Variants in ADARB2 observed in about 807,000 individuals in gnomAD.
ADARB2 encodes inactive double-stranded RNA-specific editase B2.
ADARB2 carries 25 observed loss-of-function variants against 62.2 expected under a neutral mutation model. The ratio of observed to expected loss-of-function variants is 0.40; its 90% CI spans 0.29 to 0.56. The LOEUF (loss-of-function observed/expected upper bound fraction) is 0.56. Ranked by LOEUF, ADARB2 falls within the 20% of genes least tolerant of loss-of-function variation. ADARB2 has a pLI of 0.43. For missense variants in ADARB2, 1,071 were observed against 1,077.4 expected (o/e 0.99, Z 0.08); for synonymous variants, 572 against 500.8 (o/e 1.14, Z -1.90).
chr10:1,402,368 C>CA (rs1832672152), intron 1 of ADARB2, among the ~76,000 whole-genome samples: 1 of 152,152 alleles, frequency 6.6e-6, no homozygotes, highest in African/African-American at 2.4e-5. Flanking sequence ...GCCACGTGCC[C>CA]ACTCTGCTTT....
chr10:1,468,039 T>C (rs1038187331), intron 1 of ADARB2, among the ~76,000 whole-genome samples: 4 of 152,256 alleles, frequency 2.6e-5, no homozygotes, highest in Non-Finnish European at 5.9e-5. Flanking sequence ...CAGCTATTTA[T>C]AATAGGGGCT....
chr10:1,270,125 C>T (rs1012254081), intron 4 of ADARB2, among the ~76,000 whole-genome samples: 4 of 152,136 alleles, frequency 2.6e-5, no homozygotes, highest in Non-Finnish European at 5.9e-5. Context: ...GTTCCCACAC[C>T]CAGCAAGATT....
chr10:1,515,570 G>T (rs1278029105), intron 1 of ADARB2, among the ~76,000 whole-genome samples: 2 of 152,230 alleles, frequency 1.3e-5, no homozygotes, highest in Non-Finnish European at 1.5e-5. Context: ...CGCCAGCCTT[G>T]GGAGGCTCCC....
intron 3 of ADARB2, among the ~76,000 whole-genome samples, chr10:1,333,475 TG>T (rs1831947156): frequency 6.6e-6 from 1 of 152,204 alleles, no homozygotes; most frequent in African/African-American, 2.4e-5. Flanking sequence ...CACATGAAAC[TG>T]CCTCTCTGTG....
chr10:1,591,331 C>T (rs549602658), intron 1 of ADARB2, among the ~76,000 whole-genome samples: 1 of 152,174 alleles, frequency 6.6e-6, no homozygotes, highest in Non-Finnish European at 1.5e-5. Context: ...CTTCTTTCCT[C>T]CCTCTCAAAA....
chr10:1,503,797 GC>G (rs1353278069), intron 1 of ADARB2, among the ~76,000 whole-genome samples: 1 of 151,880 alleles, frequency 6.6e-6, no homozygotes, highest in Non-Finnish European at 1.5e-5. Flanking sequence ...CCCTGCCCAC[GC>G]CCCGCCCCCT....
At chr10:1,649,244 C>A (rs1834081735) in intron 1 of ADARB2, among the ~76,000 whole-genome samples, 1 of 152,130 alleles carries the variant, frequency 6.6e-6, no homozygotes, top group Non-Finnish European at 1.5e-5. Flanking sequence ...TTTGAAATGT[C>A]CTTAGTCATG....
intron 1 of ADARB2, among the ~76,000 whole-genome samples, chr10:1,620,635 A>G (rs948779801): frequency 2.0e-5 from 3 of 152,248 alleles, no homozygotes; most frequent in Non-Finnish European, 2.9e-5. Flanking sequence ...TTGTTCTAAT[A>G]TTATATTGAT....
chr10:1,340,651 CCGGCATCCACCAGAGAACCACG>C (rs1832015449), intron 3 of ADARB2, among the ~76,000 whole-genome samples: 1 of 54,368 alleles, frequency 1.8e-5, no homozygotes, highest in African/African-American at 7.5e-5. Context: ...GCGGCAATAA[CCGGCATCCACCAGAGAACCACG>C]TGCCCCACAG....
intron 1 of ADARB2, among the ~76,000 whole-genome samples, chr10:1,629,654 C>A (rs757389193): frequency 1.3e-5 from 2 of 151,472 alleles, no homozygotes; most frequent in Non-Finnish European, 2.9e-5. Context: ...GCAGATCCTG[C>A]AAGTCCAGCT....
chr10:1,201,773 G>A lies in ADARB2; in HGVS notation c.1683-1626C>T, dbSNP rs564118404. On this transcript the variant is annotated intron_variant, in intron 7 of 9. Transcript: ENST00000381312. The stretch of plus-strand genomic sequence containing the variant: ...CTCGGATGGTGGGAGGACACACAGC[G>A]CCTGTCACTGAGGACCTTCATTCCA... Among the ~76,000 whole-genome samples, 12 of 146,018 alleles carry A rather than the reference G, an allele frequency of 8.2e-5. No individual in the cohort carries two copies. In the East Asian group the frequency reaches 2.0e-3, roughly 25 times the overall value.
intron 1 of ADARB2, among the ~76,000 whole-genome samples, chr10:1,644,105 G>A (rs1834008199): frequency 6.6e-6 from 1 of 152,246 alleles, no homozygotes. Context: ...CATTCATTAT[G>A]CCATTTACAC....
At chr10:1,437,117 G>A (rs1287984719) in intron 1 of ADARB2, among the ~76,000 whole-genome samples, 1 of 152,066 alleles carries the variant, frequency 6.6e-6, no homozygotes, top group Non-Finnish European at 1.5e-5. Flanking sequence ...GTAAAAAAAT[G>A]TACAAACTTC....
chr10:1,470,478 T>C (rs1029168869), intron 1 of ADARB2, among the ~76,000 whole-genome samples: 1 of 152,184 alleles, frequency 6.6e-6, no homozygotes, highest in African/African-American at 2.4e-5. Context: ...AACTTTATAC[T>C]TAGCAAAATG....
Position 1,339,152 on chromosome 10 carries a change from G to A in ADARB2, c.1077+23876C>T, listed in dbSNP as rs1049583959. 1.1e-4 allele frequency among the ~76,000 whole-genome samples: 16 copies of A among 152,224 alleles called. 1 individual carries two copies. Among genetic ancestry groups the A allele is most frequent in the African/African-American group, 3.6e-4 (15 of 41,462 alleles). ...GCCACGCCCTGTGCTGAGCCGAGAT[G>A]TCTTCCTGCCACGCCTGTAGCTGAG... On this transcript the variant is annotated intron_variant, in intron 3 of 9. Transcript: ENST00000381312.
chr10:1,298,455 T>C (rs1329817834), intron 3 of ADARB2, among the ~76,000 whole-genome samples: 1 of 152,110 alleles, frequency 6.6e-6, no homozygotes, highest in Admixed American at 6.5e-5. Context: ...TTCACCTAAT[T>C]TACAGCCTAT....
At chr10:1,455,928 T>C (rs1046669086) in intron 1 of ADARB2, among the ~76,000 whole-genome samples, 10 of 152,238 alleles carry the variant, frequency 6.6e-5, no homozygotes, top group African/African-American at 1.9e-4. Flanking sequence ...CGTTTTTCTT[T>C]AATGTATGTC....
chr10:1,267,534 G>A (rs1470030767), intron 4 of ADARB2, among the ~76,000 whole-genome samples: 2 of 152,196 alleles, frequency 1.3e-5, no homozygotes, highest in African/African-American at 4.8e-5. Context: ...GAGAGAGGCA[G>A]GTACCCTCTG....
chr10:1,479,908 G>T (rs1035372925), intron 1 of ADARB2, among the ~76,000 whole-genome samples: 4 of 152,076 alleles, frequency 2.6e-5, no homozygotes, highest in Admixed American at 2.6e-4. Flanking sequence ...GCCCTCCATA[G>T]ACGTGCTTTA....
Sources: gnomAD v4.1 joint callset for allele counts (sites outside exome capture counted in the v4.1 genomes callset) on GRCh38, gnomAD v4.1.1 for gene constraint, MANE v1.5 for transcripts, NCBI Gene and HGNC (gene_info 2026-07-23, HGNC 2026-07-21) for gene names.